GLIS3: variants seen among roughly 807,000 people sequenced by gnomAD.
The protein encoded by GLIS3 is GLIS family zinc finger 3, also known as zinc finger protein GLIS3.
In GLIS3, 53 loss-of-function variants were observed where a neutral mutation model predicts 78.6. The ratio of observed to expected loss-of-function variants is 0.67; its 90% CI spans 0.54 to 0.85. The LOEUF (loss-of-function observed/expected upper bound fraction) is 0.85. Ranked by LOEUF, GLIS3 falls within the 40% of genes least tolerant of loss-of-function variation. GLIS3 has a pLI of 0.00. For synonymous variants in GLIS3, 684 were observed against 509.9 expected (o/e 1.34, Z -4.60); for missense variants, 1,703 against 1,231.1 (o/e 1.38, Z -5.74).
At chr9:4,077,584 C>T (rs1443677250) in intron 4 of GLIS3, among the ~76,000 whole-genome samples, 1 of 152,216 alleles carries the variant, frequency 6.6e-6, no homozygotes, top group Non-Finnish European at 1.5e-5. Context: ...TAAGCTATTG[C>T]ATCTCAGCTT....
At chr9:3,858,661 A>C (rs138610184) in intron 8 of GLIS3, among the ~76,000 whole-genome samples, 6 of 152,336 alleles carry the variant, frequency 3.9e-5, no homozygotes, top group Admixed American at 6.5e-5. Flanking sequence ...AATATAAACT[A>C]TTCTAAGTAA....
At chr9:4,399,629 A>G in the GLIS3 span, among the ~76,000 whole-genome samples, 1 of 152,216 alleles carries the variant, frequency 6.6e-6, no homozygotes, top group African/African-American at 2.4e-5. Context: ...GATAATTTAT[A>G]TCTAAATCTA....
chr9:4,459,154 T>A, the GLIS3 span, among the ~76,000 whole-genome samples: 1 of 152,162 alleles, frequency 6.6e-6, no homozygotes, highest in African/African-American at 2.4e-5. Context: ...TAGGAGACCA[T>A]TGAATAATCC....
intron 2 of GLIS3, among the ~76,000 whole-genome samples, chr9:4,207,621 C>T (rs1157115564): frequency 3.3e-5 from 5 of 152,160 alleles, no homozygotes; most frequent in African/African-American, 1.2e-4. Context: ...CCTTTAATCT[C>T]CACAGCCCAT....
chr9:3,881,639 C>A (rs1821735561), intron 7 of GLIS3, among the ~76,000 whole-genome samples: 1 of 152,212 alleles, frequency 6.6e-6, no homozygotes, highest in Admixed American at 6.5e-5. Flanking sequence ...ATTTAACAGC[C>A]AGGAAAAACC....
intron 7 of GLIS3, among the ~76,000 whole-genome samples, chr9:3,893,102 T>C (rs1244564570): frequency 3.3e-5 from 5 of 152,144 alleles, no homozygotes; most frequent in Non-Finnish European, 7.4e-5. Context: ...TCCCACCCTC[T>C]ACCTTCCGAT....
At chr9:4,071,921 A>G (rs760033099) in intron 4 of GLIS3, 6 of 152,250 alleles carry the variant, frequency 3.9e-5, no homozygotes, top group Non-Finnish European at 8.8e-5. Context: ...ATAGAATATC[A>G]AGAAACACAC....
At chr9:3,948,130 C>T (rs539282991) in intron 4 of GLIS3, among the ~76,000 whole-genome samples, 26 of 152,304 alleles carry the variant, frequency 1.7e-4, no homozygotes, top group Middle Eastern at 3.4e-3. Flanking sequence ...AAACCATTCA[C>T]TTGCTTCTAA....
intron 6 of GLIS3, among the ~76,000 whole-genome samples, chr9:3,922,592 C>T (rs747813378): frequency 7.9e-5 from 12 of 151,862 alleles, no homozygotes; most frequent in East Asian, 1.9e-4. Context: ...AGGGGAAATG[C>T]GGAAAAATAA....
At chr9:4,110,947 G>C (rs10814848) in intron 4 of GLIS3, among the ~76,000 whole-genome samples, 1,894 of 152,052 alleles carry the variant, frequency 0.012, 40 homozygotes, top group African/African-American at 0.041. Flanking sequence ...ATTCTATCTG[G>C]ACCCTAAAAT....
chr9:4,364,816 A>G, the GLIS3 span, among the ~76,000 whole-genome samples: 14 of 115,004 alleles, frequency 1.2e-4, no homozygotes, highest in African/African-American at 4.6e-4. Flanking sequence ...CCTATTGACC[A>G]GGCTGAAGCA....
intron 7 of GLIS3, among the ~76,000 whole-genome samples, chr9:3,883,263 C>G (rs1005936323): frequency 1.3e-5 from 2 of 152,182 alleles, no homozygotes; most frequent in African/African-American, 4.8e-5. Context: ...TTATTAATTA[C>G]TACAGTCTAG....
intron 4 of GLIS3, among the ~76,000 whole-genome samples, chr9:4,041,627 C>A (rs1824819012): frequency 6.6e-6 from 1 of 152,098 alleles, no homozygotes; most frequent in African/African-American, 2.4e-5. Context: ...TGCCTATGCT[C>A]TGTGAGACAA....
At chr9:4,306,266 G>GA (rs375036413) in intron 4 of GLIS3, among the ~76,000 whole-genome samples, 3 of 151,526 alleles carry the variant, frequency 2.0e-5, no homozygotes, top group East Asian at 3.9e-4. Context: ...GAGGCAGGGG[G>GA]GTCTCGCTAT....
chr9:4,285,720 G>A (rs945558654), intron 2 of GLIS3: 4 of 366,948 alleles, frequency 1.1e-5, no homozygotes, highest in African/African-American at 6.2e-5. Context: ...TATCCGGAGG[G>A]CATGATCTTG....
At chr9:4,021,753 A>G (rs1286917672) in intron 4 of GLIS3, among the ~76,000 whole-genome samples, 1 of 152,188 alleles carries the variant, frequency 6.6e-6, no homozygotes, top group Admixed American at 6.5e-5. Context: ...TTCTGTCAGA[A>G]ACAAGCTGCA....
the GLIS3 span, among the ~76,000 whole-genome samples, chr9:4,452,151 T>C: frequency 6.6e-6 from 1 of 152,072 alleles, no homozygotes; most frequent in African/African-American, 2.4e-5. Context: ...CTCAATAAAG[T>C]AGGTATTGAT....
the GLIS3 span, among the ~76,000 whole-genome samples, chr9:4,381,509 T>C: frequency 0.75 from 114,781 of 152,078 alleles, 44,421 homozygotes; most frequent in Non-Finnish European, 0.85. Flanking sequence ...AGTTGCATGG[T>C]CACATAGTAC....
At chr9:3,895,477 A>G (rs1036432420) in intron 7 of GLIS3, among the ~76,000 whole-genome samples, 1 of 152,212 alleles carries the variant, frequency 6.6e-6, no homozygotes, top group East Asian at 1.9e-4. Context: ...GTAGACAAGT[A>G]AACACCTTAA....
Sources: allele counts gnomAD v4.1 joint callset (sites outside exome capture counted in the v4.1 genomes callset), GRCh38; gene constraint gnomAD v4.1.1; transcripts MANE v1.5; gene names NCBI Gene and HGNC (gene_info 2026-07-23, HGNC 2026-07-21).